SYT17: variants seen among roughly 807,000 people sequenced by gnomAD.
SYT17 encodes the protein synaptotagmin-17.
SYT17 carries 22 observed loss-of-function variants against 46.7 expected under a neutral mutation model. That is an observed-to-expected ratio of 0.47 (90% CI 0.34 to 0.67). The LOEUF (loss-of-function observed/expected upper bound fraction) is 0.67. SYT17 is among the 30% of genes least tolerant of loss of function. The pLI, the probability that SYT17 is intolerant of heterozygous loss-of-function variation, is 0.01. For synonymous variants in SYT17, 251 were observed against 248.4 expected (o/e 1.01, Z -0.10); for missense variants, 519 against 612.8 (o/e 0.85, Z 1.62).
At chr16:19,238,193 C>A (rs1966874441) in intron 7 of SYT17, among the ~76,000 whole-genome samples, 1 of 152,204 alleles carries the variant, frequency 6.6e-6, no homozygotes, top group Admixed American at 6.5e-5. Flanking sequence ...TGTAAAGGAC[C>A]ATTCCCTATC....
At chr16:19,264,240 C>T (rs12325310) in intron 7 of SYT17, among the ~76,000 whole-genome samples, 8,272 of 152,242 alleles carry the variant, frequency 0.054, 284 homozygotes, top group Non-Finnish European at 0.067. Flanking sequence ...TTTGTTACAG[C>T]GGCCTGAATG....
chr16:19,210,294 C>T (rs566806021), intron 5 of SYT17, among the ~76,000 whole-genome samples: 21 of 152,030 alleles, frequency 1.4e-4, no homozygotes, highest in East Asian at 3.9e-4. Flanking sequence ...CCTGAACTCC[C>T]GGCTTCAAGT....
intron 5 of SYT17, among the ~76,000 whole-genome samples, chr16:19,194,116 A>G (rs1567206535): frequency 6.6e-6 from 1 of 152,118 alleles, no homozygotes; most frequent in Non-Finnish European, 1.5e-5. Context: ...GGAAGGTGCA[A>G]TGCAGATGAA....
chr16:19,223,185 T>TTC lies in SYT17; in HGVS notation c.1072+25_1072+26dup. The TTC allele has an allele frequency of 6.2e-7, 1 of 1,610,418 alleles. No homozygotes were observed. Among genetic ancestry groups the TTC allele is most frequent in the Non-Finnish European group, 8.5e-7 (1 of 1,177,186 alleles). ...GTTCAGGTACCGTGTGATTCCCCTC[T>TTC]TCTCTCACTTTATTAATGGGGCATC... On this transcript the variant is annotated intron_variant, in intron 6 of 7. Coordinates refer to ENST00000355377, the MANE Select transcript of SYT17 (RefSeq NM_016524.4).
At chr16:19,229,463 C>T (rs1966606201) in intron 7 of SYT17, among the ~76,000 whole-genome samples, 1 of 152,064 alleles carries the variant, frequency 6.6e-6, no homozygotes. Flanking sequence ...CTCAGGAGAA[C>T]TCACTCACTA....
chr16:19,265,385 G>A (rs1436182181), intron 7 of SYT17, among the ~76,000 whole-genome samples: 1 of 152,204 alleles, frequency 6.6e-6, no homozygotes, highest in Non-Finnish European at 1.5e-5. Context: ...TCTTGCTGAA[G>A]ATGACATAGT....
chr16:19,258,679 A>G (rs559135471), intron 7 of SYT17, among the ~76,000 whole-genome samples: 1 of 152,210 alleles, frequency 6.6e-6, no homozygotes, highest in African/African-American at 2.4e-5. Context: ...AACAGGGGAG[A>G]TGGAGGAATT....
At chr16:19,235,953 T>C (rs1966842296) in intron 7 of SYT17, among the ~76,000 whole-genome samples, 1 of 152,106 alleles carries the variant, frequency 6.6e-6, no homozygotes, top group Non-Finnish European at 1.5e-5. Flanking sequence ...ATCAAAAAGG[T>C]TTAATGTTCA....
intron 5 of SYT17, among the ~76,000 whole-genome samples, chr16:19,185,029 A>G (rs62027696): frequency 0.059 from 9,044 of 152,184 alleles, 366 homozygotes; most frequent in Non-Finnish European, 0.085. Flanking sequence ...TGTAGGTAGA[A>G]GGATGTGGGG....
In SYT17 at chr16:19,229,893, T is replaced by A. The variant is rs137955948; in HGVS notation, c.1228+5055T>A. On this transcript the variant is annotated intron_variant, in intron 7 of 7. Transcript: ENST00000355377. Reference sequence around the variant, plus strand: ...ACTCAGTCTTGAGTAGGAAGGAAATTCTGACCCATGCTACAACATGGATGA... The same window carrying A: ...ACTCAGTCTTGAGTAGGAAGGAAATACTGACCCATGCTACAACATGGATGA... Among the ~76,000 whole-genome samples the A allele has an allele frequency of 7.2e-5, 11 of 152,240 alleles. No individual in the cohort carries two copies. In the East Asian group the frequency reaches 2.1e-3, roughly 29 times the overall value.
intron 5 of SYT17, among the ~76,000 whole-genome samples, chr16:19,204,571 G>C (rs1365428431): frequency 2.0e-5 from 3 of 151,916 alleles, no homozygotes; most frequent in Non-Finnish European, 4.4e-5. Context: ...AGGGTGTTGA[G>C]GATGAGCACC....
chr16:19,238,200 T>C (rs1165391249), intron 7 of SYT17, among the ~76,000 whole-genome samples: 1 of 152,220 alleles, frequency 6.6e-6, no homozygotes, highest in Non-Finnish European at 1.5e-5. Flanking sequence ...GACCATTCCC[T>C]ATCTTGGCCA....
chr16:19,242,969 A>G (rs1334546989), intron 7 of SYT17, among the ~76,000 whole-genome samples: 1 of 152,218 alleles, frequency 6.6e-6, no homozygotes, highest in African/African-American at 2.4e-5. Context: ...CTTAGCACAC[A>G]GCAGATGCTC....
intron 5 of SYT17, among the ~76,000 whole-genome samples, chr16:19,212,067 A>G (rs879558711): frequency 2.6e-5 from 4 of 152,220 alleles, no homozygotes; most frequent in Non-Finnish European, 4.4e-5. Flanking sequence ...TTAGTTCTCA[A>G]CTGGGTGATT....
At chr16:19,172,018 C>T (rs1964114964) in intron 1 of SYT17, 1 of 152,446 alleles carries the variant, frequency 6.6e-6, no homozygotes. Flanking sequence ...GTTTGAGTCC[C>T]ACCTCAGTTC....
At chr16:19,178,723 G>T (rs571124649) in intron 3 of SYT17, among the ~76,000 whole-genome samples, 1 of 152,122 alleles carries the variant, frequency 6.6e-6, no homozygotes, top group African/African-American at 2.4e-5. Flanking sequence ...CAAGTTGGGG[G>T]GTATGCAGCC....
In SYT17 at chr16:19,201,613, G is replaced by A. The variant is rs182877064; in HGVS notation, c.951+17466G>A. Among the ~76,000 whole-genome samples the A allele has an allele frequency of 4.1e-3, 615 of 151,276 alleles. 1 individual carries two copies. Among genetic ancestry groups the A allele is most frequent in the South Asian group, 9.0e-3 (43 of 4,784 alleles). ...AAGGTGCCATTTTCAATAATAGGGAGGGCTTCTAAGGGCAGCAGACATAAG... is the reference window on the plus strand; with the variant it reads ...AAGGTGCCATTTTCAATAATAGGGAAGGCTTCTAAGGGCAGCAGACATAAG... On this transcript the variant is annotated intron_variant, in intron 5 of 7. Coordinates refer to ENST00000355377, the MANE Select transcript of SYT17 (RefSeq NM_016524.4).
chr16:19,180,392 A>G lies in SYT17; in HGVS notation c.184A>G (p.Met62Val), dbSNP rs1964498085. Residue 62 changes from methionine (M) to valine (V), a missense_variant and splice_region_variant, in exon 4 of 8, where the codon ATG becomes GTG. Physicochemically the swap from Met to Val is conservative, Grantham distance 21. Transcript: ENST00000355377. ...CTGAGACCTCTTCCCTTCCTATAGG[A>G]TGGCCAGCCGGAGCAGTGACAAGGA... The part of the protein sequence containing the change: ...PFPAQTPPWL[M>V]ASRSSDKDGD... 1 of 1,614,000 alleles carries G rather than the reference A, an allele frequency of 6.2e-7. No homozygotes were observed. The highest frequency in any genetic ancestry group is 1.3e-5 in the African/African-American group (1 of 74,912).
intron 7 of SYT17, among the ~76,000 whole-genome samples, chr16:19,265,882 G>T (rs180852947): frequency 6.6e-6 from 1 of 152,348 alleles, no homozygotes; most frequent in African/African-American, 2.4e-5. Flanking sequence ...ACAACAAGGG[G>T]TGGAAGAAGT....
Sources: allele counts gnomAD v4.1 joint callset (sites outside exome capture counted in the v4.1 genomes callset), GRCh38; gene constraint gnomAD v4.1.1; transcripts MANE v1.5; gene names NCBI Gene and HGNC (gene_info 2026-07-23, HGNC 2026-07-21).